FOLH1: variants seen among roughly 807,000 people sequenced by gnomAD.
FOLH1 encodes the protein glutamate carboxypeptidase 2.
Under a neutral mutation model 93.9 loss-of-function variants are expected in FOLH1, and 54 were observed. The ratio of observed to expected loss-of-function variants is 0.57; its 90% CI spans 0.46 to 0.72. The LOEUF is 0.72. Among genes scored for constraint, FOLH1 ranks in the 30% least tolerant of loss-of-function variants. FOLH1 has a pLI of 0.00. For synonymous variants in FOLH1, 249 were observed against 303.6 expected, an observed-to-expected ratio of 0.82 and a Z score of 1.87; for missense variants, 571 against 892.5, an observed-to-expected ratio of 0.64 and a Z score of 4.59.
chr11:49,208,115 G>T, intron 1 of FOLH1, 177 bp downstream of exon 1: 1 of 617,628 alleles, frequency 1.6e-6, no homozygotes, highest in East Asian at 2.8e-5. Flanking sequence ...GCCCTGCACC[G>T]TTCCCAGCTA....
chr11:49,173,494 A>G lies in FOLH1; in HGVS notation c.1106-18T>C. 6.4e-7 allele frequency: 1 copy of G among 1,568,970 alleles called. No homozygotes were observed. Among genetic ancestry groups the G allele is most frequent in the Non-Finnish European group, 8.7e-7 (1 of 1,155,152 alleles). On this transcript the variant is annotated intron_variant, in intron 9 of 18. Coordinates refer to ENST00000256999, the MANE Select transcript of FOLH1 (RefSeq NM_004476.3). ...ATATCTGTCTAGAAAGCATAGATAC[A>G]AGATTATTTGTCATTTCAGGTCAAT...
chr11:49,182,777 T>G (rs1860920206), intron 7 of FOLH1, among the ~76,000 whole-genome samples: 1 of 152,186 alleles, frequency 6.6e-6, no homozygotes, highest in Non-Finnish European at 1.5e-5. Flanking sequence ...AGGAGTCCAG[T>G]GCCTTCCAGA....
intron 17 of FOLH1, among the ~76,000 whole-genome samples, 163 bp from the exon 18 acceptor site, chr11:49,148,894 C>A (rs1192419337): frequency 1.3e-5 from 2 of 152,154 alleles, no homozygotes; most frequent in East Asian, 3.9e-4. Flanking sequence ...AAGGAGGACA[C>A]ATGTATGTGA....
chr11:49,153,974 T>C, intron 16 of FOLH1, 47 bp from the exon 17 acceptor site: 1 of 1,470,544 alleles, frequency 6.8e-7, no homozygotes, highest in Non-Finnish European at 9.3e-7. Context: ...ACATAATTTC[T>C]AATGGCACTG....
intron 16 of FOLH1, 83 bp from the exon 17 acceptor site, chr11:49,154,010 T>C: frequency 7.5e-7 from 1 of 1,338,728 alleles, no homozygotes; most frequent in Non-Finnish European, 1.0e-6. Flanking sequence ...AAAGGAACAA[T>C]ATAGAAGCCA....
intron 1 of FOLH1, chr11:49,206,913 G>A (rs1400294868): frequency 6.5e-6 from 5 of 768,516 alleles, no homozygotes; most frequent in Non-Finnish European, 8.7e-6. Context: ...TTTATTTAGA[G>A]AAATTACAGG....
chr11:49,170,310 G>T (rs1273558693), intron 11 of FOLH1, among the ~76,000 whole-genome samples: 1 of 152,088 alleles, frequency 6.6e-6, no homozygotes, highest in Non-Finnish European at 1.5e-5. Flanking sequence ...AATTAAGAAA[G>T]ATAAATGAAA....
intron 15 of FOLH1, 148 bp downstream of exon 15, chr11:49,156,569 G>A: frequency 1.0e-6 from 1 of 969,752 alleles, no homozygotes; most frequent in Non-Finnish European, 1.6e-6. Flanking sequence ...ATCCTACGTA[G>A]TAGTGATACT....
intron 2 of FOLH1, among the ~76,000 whole-genome samples, chr11:49,203,391 A>G (rs1480113910): frequency 6.6e-6 from 1 of 152,210 alleles, no homozygotes; most frequent in Admixed American, 6.5e-5. Context: ...TTCACTACTG[A>G]GGCAGATATT....
In FOLH1 at chr11:49,146,860, T is replaced by C; in HGVS notation, c.2149A>G (p.Ser717Gly). The change falls in exon 19 of 19, where the codon AGC becomes GGC. Residue 717 changes from serine to glycine, a missense_variant. This residue lies in a region of FOLH1 where 500 missense variants were observed against 822.9 expected (regional missense o/e 0.61). Transcript: ENST00000256999. Reference protein sequence around the residue: ...GIYDALFDIESKVDPSKAWGE... With the variant: ...GIYDALFDIEGKVDPSKAWGE... ...CAGGCCTTGGAAGGGTCCACTTTGC[T>C]TTCAATATCAAACAGAGCATCATAA... 6.2e-7 allele frequency: 1 copy of C among 1,613,528 alleles called. No homozygotes were observed. Among genetic ancestry groups the C allele is most frequent in the Non-Finnish European group, 8.5e-7 (1 of 1,179,660 alleles).
intron 2 of FOLH1, among the ~76,000 whole-genome samples, chr11:49,203,769 CTA>C (rs1293731427): frequency 6.6e-6 from 1 of 152,152 alleles, no homozygotes; most frequent in Non-Finnish European, 1.5e-5. Flanking sequence ...GTTGGTCAAT[CTA>C]TGTCACAAGT....
intron 2 of FOLH1, among the ~76,000 whole-genome samples, chr11:49,204,482 C>G (rs1023627392): frequency 3.3e-5 from 5 of 152,152 alleles, no homozygotes; most frequent in Admixed American, 3.3e-4. Flanking sequence ...AAAGCTGGAA[C>G]AGCAGCTCTG....
intron 7 of FOLH1, among the ~76,000 whole-genome samples, chr11:49,176,571 T>C (rs1260105913): frequency 1.3e-5 from 2 of 152,150 alleles, no homozygotes; most frequent in Admixed American, 6.5e-5. Context: ...GTGGGGTTCT[T>C]GTAGTTTCAC....
chr11:49,201,294 G>A (rs1208386333), intron 2 of FOLH1, among the ~76,000 whole-genome samples: 2 of 142,632 alleles, frequency 1.4e-5, no homozygotes, highest in Non-Finnish European at 3.0e-5. Context: ...TAAACTTTTG[G>A]AACTTCATAA....
chr11:49,176,042 A>G (rs921897315), intron 7 of FOLH1, 85 bp from the exon 8 acceptor site: 1 of 1,187,750 alleles, frequency 8.4e-7, no homozygotes, highest in Non-Finnish European at 1.2e-6. Flanking sequence ...TTTATTGAGC[A>G]TCTGCTCATA....
chr11:49,176,771 C>A (rs1016205608), intron 7 of FOLH1, among the ~76,000 whole-genome samples: 1 of 150,932 alleles, frequency 6.6e-6, no homozygotes, highest in Non-Finnish European at 1.5e-5. Flanking sequence ...GAAAATCCAG[C>A]TGTAAGGCAA....
chr11:49,197,951 A>C (rs1368876759), intron 3 of FOLH1, among the ~76,000 whole-genome samples: 2 of 152,122 alleles, frequency 1.3e-5, no homozygotes, highest in African/African-American at 4.8e-5. Context: ...ATGTACATAT[A>C]TAACTTGGAT....
rs1459153528 is a variant in FOLH1, at chr11:49,184,167, T to C, written c.827-925A>G. Among the ~76,000 whole-genome samples the C allele has an allele frequency of 3.3e-5, 5 of 152,298 alleles. No individual in the cohort carries two copies. In the East Asian group the frequency reaches 9.6e-4, roughly 29 times the overall value. Reference sequence around the variant, plus strand: ...TGGGTAAAATGACACAATGATATGCTGTGTGGGATTTGTTTTCAAATTCTT... The same window carrying C: ...TGGGTAAAATGACACAATGATATGCCGTGTGGGATTTGTTTTCAAATTCTT... On this transcript the variant is annotated intron_variant, in intron 6 of 18. Transcript: ENST00000256999.
At chr11:49,183,726 T>C (rs1861055290) in intron 6 of FOLH1, among the ~76,000 whole-genome samples, 1 of 151,886 alleles carries the variant, frequency 6.6e-6, no homozygotes, top group Admixed American at 6.6e-5. Context: ...ATAGAAAATC[T>C]CAAATTACTA....
Sources: gnomAD v4.1 joint callset for allele counts (sites outside exome capture counted in the v4.1 genomes callset) on GRCh38, gnomAD v4.1.1 for gene constraint, gnomAD v4.1.1 regional missense constraint, MANE v1.5 for transcripts, NCBI Gene and HGNC (gene_info 2026-07-23, HGNC 2026-07-21) for gene names.